Variants in ABCB11 observed in about 807,000 individuals in gnomAD.
ABCB11 encodes the protein ATP binding cassette subfamily B member 11, also known as bile salt export pump.
A neutral mutation model predicts 148.0 loss-of-function variants in ABCB11; 95 were observed. The observed-to-expected ratio is 0.64, with a 90% CI of 0.54 to 0.76. The LOEUF is 0.76. Among genes scored for constraint, ABCB11 ranks in the 30% least tolerant of loss-of-function variants. The pLI is 0.00. For synonymous variants in ABCB11, 591 were observed against 555.4 expected (o/e 1.06, Z -0.90); for missense variants, 1,523 against 1,617.8 (o/e 0.94, Z 1.01).
chr2:168,993,304 G>GC (rs950611233), intron 8 of ABCB11, among the ~76,000 whole-genome samples: 5 of 151,954 alleles, frequency 3.3e-5, no homozygotes, highest in Non-Finnish European at 4.4e-5. Flanking sequence ...TGGAGTCAGA[G>GC]CCCCTTAGAC....
intron 8 of ABCB11, among the ~76,000 whole-genome samples, chr2:168,992,614 C>T (rs1694572110): frequency 2.0e-5 from 3 of 151,922 alleles, no homozygotes; most frequent in Admixed American, 2.0e-4. Flanking sequence ...TGGATTATTC[C>T]CTGAATCATC....
chr2:168,992,618 A>G (rs1192365535), intron 8 of ABCB11, among the ~76,000 whole-genome samples: 1 of 152,016 alleles, frequency 6.6e-6, no homozygotes, highest in Non-Finnish European at 1.5e-5. Context: ...TTATTCCCTG[A>G]ATCATCATAA....
chr2:169,012,220 T>C (rs1695207886), intron 5 of ABCB11, among the ~76,000 whole-genome samples: 1 of 152,136 alleles, frequency 6.6e-6, no homozygotes, highest in Non-Finnish European at 1.5e-5. Flanking sequence ...AGCCAAGATG[T>C]GCCCCACCCT....
At chr2:169,018,859 G>C (rs750470009) in intron 1 of ABCB11, among the ~76,000 whole-genome samples, 28 of 152,258 alleles carry the variant, frequency 1.8e-4, no homozygotes, top group Non-Finnish European at 2.4e-4. Flanking sequence ...GATACAGTCA[G>C]ACTCAAATAA....
intron 19 of ABCB11, among the ~76,000 whole-genome samples, chr2:168,948,866 G>A (rs1692442419): frequency 6.6e-6 from 1 of 151,602 alleles, no homozygotes; most frequent in Non-Finnish European, 1.5e-5. Context: ...CTTACACGAT[G>A]GACTTGATTT....
intron 8 of ABCB11, 143 bp downstream of exon 8, chr2:168,993,568 G>A: frequency 1.4e-6 from 1 of 700,578 alleles, no homozygotes; most frequent in East Asian, 2.8e-5. Context: ...ATTTGACACT[G>A]GGGAGTAATC....
chr2:169,001,027 G>C (rs538728279), intron 5 of ABCB11, among the ~76,000 whole-genome samples: 1 of 152,142 alleles, frequency 6.6e-6, no homozygotes, highest in South Asian at 2.1e-4. Flanking sequence ...ATACATTATA[G>C]ATACATCACT....
intron 8 of ABCB11, 42 bp downstream of exon 8, chr2:168,993,669 G>C (rs748251567): frequency 6.3e-7 from 1 of 1,575,290 alleles, no homozygotes. Context: ...GTTTATGAAG[G>C]CAAATGTCTT....
rs2105871917 is a variant in ABCB11, at chr2:168,922,938, T to G, written c.*684A>C. 1 of 152,658 alleles carries G rather than the reference T, an allele frequency of 6.6e-6. No individual in the cohort carries two copies. Among genetic ancestry groups the G allele is most frequent in the East Asian group, 1.9e-4 (1 of 5,188 alleles). The allele number at this position is 152,658 out of a possible 1,614,324, so 9.5% of individuals were successfully genotyped here. A position where few individuals can be genotyped will look rare whatever the true frequency, so the allele number is the denominator to read the frequency against. Reference sequence around the variant, plus strand: ...CACTGGTAGGTCCTCACAGTAATGGTAGCATCACCACCCCTACACTCACTC... The same window carrying G: ...CACTGGTAGGTCCTCACAGTAATGGGAGCATCACCACCCCTACACTCACTC... On this transcript the variant is annotated 3_prime_UTR_variant, in exon 28 of 28. Coordinates refer to ENST00000650372, the MANE Select transcript of ABCB11 (RefSeq NM_003742.4).
rs1691179051 is a variant in ABCB11, at chr2:168,923,783, T to C, written c.3805A>G (p.Thr1269Ala). ...VALDKAREGR[T>A]CIVIAHRLST... Reference sequence around the variant, plus strand: ...AAGCGATGGGCAATGACAATGCAGGTCCGACCCTCTCTGGCTTTGTCTAGA... The same window carrying C: ...AAGCGATGGGCAATGACAATGCAGGCCCGACCCTCTCTGGCTTTGTCTAGA... The change falls in exon 28 of 28, where the codon ACC becomes GCC. Residue 1269 changes from threonine to alanine, a missense_variant. Physicochemically the swap from Thr to Ala is moderately conservative, Grantham distance 58 (BLOSUM62 0). Transcript: ENST00000650372. The C allele has an allele frequency of 6.2e-7, 1 of 1,613,804 alleles. No homozygotes were observed. Among genetic ancestry groups the C allele is most frequent in the Non-Finnish European group, 8.5e-7 (1 of 1,179,890 alleles).
intron 21 of ABCB11, among the ~76,000 whole-genome samples, chr2:168,938,984 G>A (rs1691950902): frequency 6.6e-6 from 1 of 151,484 alleles, no homozygotes; most frequent in Non-Finnish European, 1.5e-5. Flanking sequence ...CTTATCAATG[G>A]TACATAACTA....
chr2:168,975,944 A>G (rs893280624), intron 12 of ABCB11, among the ~76,000 whole-genome samples: 1 of 151,880 alleles, frequency 6.6e-6, no homozygotes, highest in Admixed American at 6.6e-5. Context: ...GAATAAGTCT[A>G]ATTTCAAAGC....
Position 168,976,610 on chromosome 2 carries a change from C to A in ABCB11, c.1275G>T (p.Val425=). The A allele has an allele frequency of 6.2e-7, 1 of 1,607,312 alleles. No individual in the cohort carries two copies. The highest frequency in any genetic ancestry group is 8.5e-7 in the Non-Finnish European group (1 of 1,175,026). The part of the protein sequence containing the change: ...RIKGEIEFHN[V]TFHYPSRPEV... ...CTGGTCTGGAAGGATAATGGAAGGT[C>A]ACATTATGGAATTCAATTTCACCCT... The change falls in exon 12 of 28, where the codon GTG becomes GTT. Residue 425 remains valine (V), a synonymous_variant. Coordinates refer to ENST00000650372, the MANE Select transcript of ABCB11 (RefSeq NM_003742.4).
chr2:169,010,732 C>T (rs1239169817), intron 5 of ABCB11, among the ~76,000 whole-genome samples: 2 of 152,034 alleles, frequency 1.3e-5, no homozygotes, highest in Non-Finnish European at 2.9e-5. Flanking sequence ...GGTGATCTTA[C>T]CATAAAACAG....
chr2:169,005,334 CCT>C (rs1450161342), intron 5 of ABCB11, among the ~76,000 whole-genome samples: 2 of 151,984 alleles, frequency 1.3e-5, no homozygotes, highest in Admixed American at 6.6e-5. Context: ...GGGATAGGCG[CCT>C]CTGAGCTCAG....
At chr2:168,968,589 T>C in intron 16 of ABCB11, 99 bp from the exon 17 acceptor site, 2 of 957,720 alleles carry the variant, frequency 2.1e-6, no homozygotes, top group Non-Finnish European at 3.0e-6. Flanking sequence ...ATAATTACTA[T>C]GTCAAATGCC....
At chr2:169,027,032 G>C (rs1695720115) in intron 1 of ABCB11, among the ~76,000 whole-genome samples, 2 of 152,022 alleles carry the variant, frequency 1.3e-5, no homozygotes, top group Non-Finnish European at 2.9e-5. Flanking sequence ...GCTTTAATTA[G>C]GGTTTCTTAA....
At chr2:168,941,191 G>A (rs1285599329) in intron 21 of ABCB11, among the ~76,000 whole-genome samples, 1 of 151,904 alleles carries the variant, frequency 6.6e-6, no homozygotes, top group Non-Finnish European at 1.5e-5. Flanking sequence ...TTATTCCTCT[G>A]AGGGAACTGG....
chr2:168,980,071 G>A, intron 10 of ABCB11, 92 bp from the exon 11 acceptor site: 1 of 687,792 alleles, frequency 1.5e-6, no homozygotes, highest in Admixed American at 2.3e-5. Flanking sequence ...AACGCAGAGA[G>A]TTATCAGAAA....
Sources: allele counts gnomAD v4.1 joint callset (sites outside exome capture counted in the v4.1 genomes callset), GRCh38; gene constraint gnomAD v4.1.1; transcripts MANE v1.5; gene names NCBI Gene and HGNC (gene_info 2026-07-23, HGNC 2026-07-21).